DDAH1: variants seen among roughly 807,000 people sequenced by gnomAD.
The protein encoded by DDAH1 is N(G),N(G)-dimethylarginine dimethylaminohydrolase 1.
Under a neutral mutation model 28.8 loss-of-function variants are expected in DDAH1, and 19 were observed. The ratio of observed to expected loss-of-function variants is 0.66; its 90% CI spans 0.46 to 0.97. DDAH1 has a LOEUF of 0.97. Ranked by LOEUF, DDAH1 falls within the 50% of genes least tolerant of loss-of-function variation. DDAH1 has a pLI of 0.00. For synonymous variants in DDAH1, 153 were observed against 154.4 expected, an observed-to-expected ratio of 0.99 and a Z score of 0.07; for missense variants, 326 against 375.9, an observed-to-expected ratio of 0.87 and a Z score of 1.10.
At chr1:85,554,056 G>A (rs148959918) in intron 1 of DDAH1, among the ~76,000 whole-genome samples, 1 of 152,320 alleles carries the variant, frequency 6.6e-6, no homozygotes, top group East Asian at 1.9e-4. Context: ...GAACTCATTT[G>A]TTAAATGTTA....
intron 2 of DDAH1, among the ~76,000 whole-genome samples, chr1:85,481,091 G>GTTTTTTT (rs779581650): frequency 9.8e-5 from 9 of 92,018 alleles, no homozygotes; most frequent in South Asian, 3.3e-4. Flanking sequence ...ATTTCTTTGG[G>GTTTTTTT]TTTTTTGTTT....
chr1:85,360,330 T>A (rs996364307), intron 1 of DDAH1, among the ~76,000 whole-genome samples: 1 of 152,154 alleles, frequency 6.6e-6, no homozygotes, highest in Admixed American at 6.5e-5. Flanking sequence ...GACAAAATGG[T>A]CTTAATGTTG....
At chr1:85,546,737 C>T (rs928628630) in intron 1 of DDAH1, among the ~76,000 whole-genome samples, 2 of 151,866 alleles carry the variant, frequency 1.3e-5, no homozygotes, top group Non-Finnish European at 2.9e-5. Flanking sequence ...TTTCTGTATA[C>T]ATGACAATAG....
At chr1:85,566,796 G>A (rs1476849863) in intron 1 of DDAH1, among the ~76,000 whole-genome samples, 1 of 152,174 alleles carries the variant, frequency 6.6e-6, no homozygotes, top group Non-Finnish European at 1.5e-5. Context: ...GTGTACATGT[G>A]TGTACGTGTG....
At chr1:85,329,032 G>A (rs1647594728) in intron 4 of DDAH1, among the ~76,000 whole-genome samples, 1 of 152,210 alleles carries the variant, frequency 6.6e-6, no homozygotes, top group African/African-American at 2.4e-5. Flanking sequence ...AACATGGCAA[G>A]ACTACATCTC....
intron 1 of DDAH1, among the ~76,000 whole-genome samples, chr1:85,572,937 T>C (rs1327095801): frequency 6.6e-6 from 1 of 152,240 alleles, no homozygotes; most frequent in African/African-American, 2.4e-5. Context: ...ATCATCTATA[T>C]ACCATATACC....
At chr1:85,328,749 C>T (rs1647575581) in intron 4 of DDAH1, among the ~76,000 whole-genome samples, 1 of 152,224 alleles carries the variant, frequency 6.6e-6, no homozygotes, top group Admixed American at 6.5e-5. Flanking sequence ...TACACAACCA[C>T]TGCTACCTGG....
At chr1:85,552,398 C>T (rs1352107458) in intron 1 of DDAH1, among the ~76,000 whole-genome samples, 1 of 152,166 alleles carries the variant, frequency 6.6e-6, no homozygotes, top group Non-Finnish European at 1.5e-5. Flanking sequence ...TTAGCTTTTC[C>T]TCGTACAATA....
intron 1 of DDAH1, among the ~76,000 whole-genome samples, chr1:85,416,781 T>C (rs1439310054): frequency 6.6e-6 from 1 of 151,994 alleles, no homozygotes; most frequent in Non-Finnish European, 1.5e-5. Flanking sequence ...AATCCTCTCA[T>C]CTCAGTCTTC....
At chr1:85,361,607 A>T (rs961019608) in intron 1 of DDAH1, among the ~76,000 whole-genome samples, 45 of 152,362 alleles carry the variant, frequency 3.0e-4, no homozygotes, top group Middle Eastern at 3.4e-3. Context: ...AGTAATTTTC[A>T]TTCTTTACTC....
At chr1:85,410,671 T>C (rs972601468) in intron 1 of DDAH1, among the ~76,000 whole-genome samples, 2 of 151,348 alleles carry the variant, frequency 1.3e-5, no homozygotes, top group African/African-American at 2.4e-5. Context: ...GAGGTTAACA[T>C]TGAATATTCT....
At chr1:85,426,714 C>G (rs1370502404) in intron 1 of DDAH1, among the ~76,000 whole-genome samples, 1 of 151,796 alleles carries the variant, frequency 6.6e-6, no homozygotes, top group African/African-American at 2.4e-5. Context: ...TCGAGACCAG[C>G]CTGGGCAACA....
At chr1:85,324,674 T>G in intron 5 of DDAH1, 66 bp downstream of exon 5, 1 of 1,591,268 alleles carries the variant, frequency 6.3e-7, no homozygotes, top group Non-Finnish European at 8.6e-7. Context: ...TATTGGTCAC[T>G]CCTTTATGAA....
intron 1 of DDAH1, among the ~76,000 whole-genome samples, chr1:85,433,996 A>G (rs1429288222): frequency 6.6e-6 from 1 of 152,184 alleles, no homozygotes; most frequent in Non-Finnish European, 1.5e-5. Flanking sequence ...TTTGTACAGT[A>G]TTTATTAATT....
chr1:85,437,567 A>G (rs1219283317), intron 1 of DDAH1, among the ~76,000 whole-genome samples: 1 of 152,100 alleles, frequency 6.6e-6, no homozygotes, highest in African/African-American at 2.4e-5. Context: ...TCTCTAACTT[A>G]CTTTATTATA....
intron 1 of DDAH1, among the ~76,000 whole-genome samples, chr1:85,456,812 C>A (rs1557652379): frequency 6.6e-6 from 1 of 152,080 alleles, no homozygotes. Context: ...AGGGGGAAAA[C>A]CCCCAGCAAA....
At chr1:85,460,234 G>T (rs989815250) in intron 1 of DDAH1, among the ~76,000 whole-genome samples, 1 of 152,148 alleles carries the variant, frequency 6.6e-6, no homozygotes, top group African/African-American at 2.4e-5. Flanking sequence ...TTCCTAACCA[G>T]AGAATAAACC....
At chr1:85,364,956 A>G (rs1355457363) in intron 1 of DDAH1, among the ~76,000 whole-genome samples, 3 of 152,182 alleles carry the variant, frequency 2.0e-5, no homozygotes, top group Non-Finnish European at 4.4e-5. Flanking sequence ...ACATATTGGG[A>G]TCCTCTTCTA....
chr1:85,567,051 A>G (rs1432569598), intron 1 of DDAH1, among the ~76,000 whole-genome samples: 2 of 152,208 alleles, frequency 1.3e-5, no homozygotes, highest in Non-Finnish European at 2.9e-5. Context: ...TACCTCATAC[A>G]GAAGAGTCAG....
Sources: allele counts gnomAD v4.1 joint callset (sites outside exome capture counted in the v4.1 genomes callset), GRCh38; gene constraint gnomAD v4.1.1; transcripts MANE v1.5; gene names NCBI Gene and HGNC (gene_info 2026-07-23, HGNC 2026-07-21).